Variants in ZMYM4 observed in about 807,000 individuals in gnomAD.
ZMYM4 encodes the protein zinc finger MYM-type protein 4.
Under a neutral mutation model 183.2 loss-of-function variants are expected in ZMYM4, and 31 were observed. That is an observed-to-expected ratio of 0.17 (90% confidence interval 0.13 to 0.23). ZMYM4 has a LOEUF of 0.23. Among genes scored for constraint, ZMYM4 ranks in the 10% least tolerant of loss-of-function variants. The pLI is 1.00. For synonymous variants in ZMYM4, 592 were observed against 631.2 expected (o/e 0.94, Z 0.93); for missense variants, 1,273 against 1,840.3 (o/e 0.69, Z 5.64).
chr1:35,383,821 C>G (rs3768335), intron 9 of ZMYM4, among the ~76,000 whole-genome samples: 18,169 of 152,136 alleles, frequency 0.12, 2,604 homozygotes, highest in East Asian at 0.69. Context: ...GGCAGATCTA[C>G]ATTTAATTCT....
chr1:35,325,160 G>A (rs1156530472), intron 1 of ZMYM4, among the ~76,000 whole-genome samples, 200 bp from the exon 2 acceptor site: 1 of 151,748 alleles, frequency 6.6e-6, no homozygotes, highest in Non-Finnish European at 1.5e-5. Context: ...CTTAGTTTTT[G>A]GTTTGGGGCT....
chr1:35,391,506 A>G (rs960097400), intron 15 of ZMYM4, among the ~76,000 whole-genome samples: 1 of 152,106 alleles, frequency 6.6e-6, no homozygotes, highest in Non-Finnish European at 1.5e-5. Context: ...TCTCCTTACA[A>G]ATAAAAGCAA....
At chr1:35,293,368 T>C (rs574992918) in intron 1 of ZMYM4, among the ~76,000 whole-genome samples, 1 of 152,090 alleles carries the variant, frequency 6.6e-6, no homozygotes, top group East Asian at 1.9e-4. Flanking sequence ...GGCTGGAGTG[T>C]AGTGGCAGGA....
rs936906773 is a variant in ZMYM4 at position 35,268,848 on chromosome 1, C to G, written c.-199C>G. On this transcript the variant is annotated 5_prime_UTR_variant, in exon 1 of 30. Coordinates refer to ENST00000314607, the MANE Select transcript of ZMYM4 (RefSeq NM_005095.3). ...GTCCCCGGGCAGGCCCTCCCGCCCA[C>G]GCGCGGACCCGTGGGATCTCAGAAG... 1 of 479,218 alleles carries G rather than the reference C, an allele frequency of 2.1e-6. No individual in the cohort carries two copies. The highest frequency in any genetic ancestry group is 4.7e-5 in the Admixed American group (1 of 21,438). 29.7% of individuals were successfully genotyped at this position (479,218 alleles called of 1,614,324 possible).
intron 2 of ZMYM4, among the ~76,000 whole-genome samples, chr1:35,328,285 T>A (rs909447356): frequency 1.3e-5 from 2 of 151,936 alleles, no homozygotes; most frequent in Non-Finnish European, 2.9e-5. Context: ...TTATTCTTTA[T>A]TTTAGTTTTT....
chr1:35,402,618 C>CA lies in ZMYM4; in HGVS notation c.3529-2396dup, dbSNP rs1052994016. Among the ~76,000 whole-genome samples, 9 of 147,068 alleles carry CA rather than the reference C, an allele frequency of 6.1e-5. 1 individual carries two copies. Among genetic ancestry groups the CA allele is most frequent in the Admixed American group, 2.7e-4 (4 of 14,798 alleles). ...TGGGCGACAGAGCGAGACCCTGTCT[C>CA]AAAAAAAAAGAAAAACAATTTCATT... On this transcript the variant is annotated intron_variant, in intron 23 of 29. Transcript: ENST00000314607.
At chr1:35,372,241 A>G (rs940850458) in intron 7 of ZMYM4, among the ~76,000 whole-genome samples, 7 of 152,186 alleles carry the variant, frequency 4.6e-5, no homozygotes, top group African/African-American at 1.7e-4. Context: ...GAATTTATAA[A>G]AGGGAATTTA....
At chr1:35,283,364 G>T in intron 1 of ZMYM4, among the ~76,000 whole-genome samples, 1 of 111,640 alleles carries the variant, frequency 9.0e-6, no homozygotes, top group Admixed American at 1.0e-4. Flanking sequence ...TTGAGACGGA[G>T]TCTTGCTCAG....
Position 35,393,512 on chromosome 1 carries a change from T to A in ZMYM4, c.2767-83T>A, listed in dbSNP as rs2148995990. 3.1e-6 allele frequency: 4 copies of A among 1,277,060 alleles called. No individual in the cohort carries two copies. In the East Asian group the frequency reaches 1.0e-4, roughly 33 times the overall value. The allele number at this position is 1,277,060 out of a possible 1,614,324, so 79.1% of individuals were successfully genotyped here. Reference sequence around the variant, plus strand: ...TCCTCCATGTAATTCCAATATGACATTTCCTTTAATATTATAATATTTCTT... The same window carrying A: ...TCCTCCATGTAATTCCAATATGACAATTCCTTTAATATTATAATATTTCTT... On this transcript the variant is annotated intron_variant, in intron 17 of 29. Transcript: ENST00000314607.
chr1:35,400,855 A>G (rs1249991826), intron 23 of ZMYM4, among the ~76,000 whole-genome samples: 2 of 152,198 alleles, frequency 1.3e-5, no homozygotes, highest in Non-Finnish European at 2.9e-5. Context: ...ACATGAATGG[A>G]ATCCTATAAT....
chr1:35,399,684 A>T (rs1386753403), intron 23 of ZMYM4, 108 bp downstream of exon 23: 1 of 1,156,696 alleles, frequency 8.6e-7, no homozygotes, highest in Non-Finnish European at 1.2e-6. Context: ...AGGTAGTTCC[A>T]CATGTTGTTT....
intron 23 of ZMYM4, among the ~76,000 whole-genome samples, chr1:35,401,466 T>A (rs1644907148): frequency 6.6e-6 from 1 of 152,252 alleles, no homozygotes; most frequent in Non-Finnish European, 1.5e-5. Context: ...TCGCACATTT[T>A]TTTCATTTTT....
At chr1:35,272,209 ATAGACT>A (rs1443782137) in intron 1 of ZMYM4, among the ~76,000 whole-genome samples, 2 of 152,192 alleles carry the variant, frequency 1.3e-5, no homozygotes, top group Non-Finnish European at 2.9e-5. Context: ...AACTATCCAC[ATAGACT>A]TAGATAGTAA....
At chr1:35,351,598 T>A in intron 2 of ZMYM4, 1 of 746,038 alleles carries the variant, frequency 1.3e-6, no homozygotes, top group East Asian at 2.5e-5. Flanking sequence ...AGCAGGCTGC[T>A]GAGAGCTAAA....
rs1271474059 is a variant in ZMYM4 at position 35,286,418 on chromosome 1, A to G, written c.39+17333A>G. ...AACCAGGCTCATCTATACATACGCT[A>G]CTTCAGACCTGGAATTAACTTGTTT... is the stretch of plus-strand genomic sequence containing the variant. On this transcript the variant is annotated intron_variant, in intron 1 of 29. Transcript: ENST00000314607. 5.9e-5 allele frequency among the ~76,000 whole-genome samples: 9 copies of G among 152,200 alleles called. No homozygotes were observed. In the East Asian group the frequency reaches 1.5e-3, roughly 26 times the overall value.
chr1:35,270,822 A>G (rs1252040773), intron 1 of ZMYM4, among the ~76,000 whole-genome samples: 1 of 152,052 alleles, frequency 6.6e-6, no homozygotes, highest in Non-Finnish European at 1.5e-5. Context: ...GTTTTATCAT[A>G]TATTTACCCC....
At chr1:35,307,133 A>G (rs1385925788) in intron 1 of ZMYM4, among the ~76,000 whole-genome samples, 1 of 152,212 alleles carries the variant, frequency 6.6e-6, no homozygotes, top group Non-Finnish European at 1.5e-5. Flanking sequence ...CTCTAAAATG[A>G]GAGATCTCTG....
intron 6 of ZMYM4, 106 bp from the exon 7 acceptor site, chr1:35,370,266 C>A: frequency 6.9e-7 from 1 of 1,443,250 alleles, no homozygotes; most frequent in Non-Finnish European, 9.1e-7. Context: ...GGTTTCAAGA[C>A]TAGTTCTAGA....
At chr1:35,328,784 G>T (rs1642614591) in intron 2 of ZMYM4, among the ~76,000 whole-genome samples, 1 of 152,140 alleles carries the variant, frequency 6.6e-6, no homozygotes, top group Non-Finnish European at 1.5e-5. Flanking sequence ...CTATCCAGGA[G>T]AGATAAGGGC....
Sources: allele counts gnomAD v4.1 joint callset (sites outside exome capture counted in the v4.1 genomes callset), GRCh38; gene constraint gnomAD v4.1.1; transcripts MANE v1.5; gene names NCBI Gene and HGNC (gene_info 2026-07-23, HGNC 2026-07-21).